HNF4G: variants seen among roughly 807,000 people sequenced by gnomAD.
HNF4G encodes hepatocyte nuclear factor 4 gamma, also known as hepatocyte nuclear factor 4-gamma.
In HNF4G, 21 loss-of-function variants were observed where a neutral mutation model predicts 50.9. The observed-to-expected ratio is 0.41, with a 90% CI of 0.29 to 0.59. HNF4G has a LOEUF of 0.59. HNF4G is among the 20% of genes least tolerant of loss of function. The pLI is 0.26. For synonymous variants in HNF4G, 198 were observed against 185.6 expected (o/e 1.07, Z -0.54); for missense variants, 527 against 559.4 (o/e 0.94, Z 0.58).
chr8:75,535,642 T>TA (rs1304977073), upstream of HNF4G, among the ~76,000 whole-genome samples: 1 of 151,900 alleles, frequency 6.6e-6, no homozygotes, highest in African/African-American at 2.4e-5. Flanking sequence ...GAAATAAGTT[T>TA]AAAAAACAAA....
intron 1 of HNF4G, among the ~76,000 whole-genome samples, chr8:75,488,751 C>T (rs1812552156): frequency 6.6e-6 from 1 of 152,058 alleles, no homozygotes; most frequent in African/African-American, 2.4e-5. Context: ...ATCTCAGTAT[C>T]TTTGATAGCC....
upstream of HNF4G, among the ~76,000 whole-genome samples, chr8:75,538,670 AG>A (rs1806533296): frequency 6.6e-6 from 1 of 152,218 alleles, no homozygotes; most frequent in South Asian, 2.1e-4. Flanking sequence ...AAGCCAAAAA[AG>A]AAAGTTTATT....
chr8:75,561,334 ACTT>A (rs1486310816), intron 9 of HNF4G, among the ~76,000 whole-genome samples: 3 of 152,200 alleles, frequency 2.0e-5, no homozygotes, highest in African/African-American at 7.2e-5. Context: ...ATGGTCAGCT[ACTT>A]CTTCTGTGAC....
intron 2 of HNF4G, among the ~76,000 whole-genome samples, chr8:75,505,978 A>G (rs2130715360): frequency 6.6e-6 from 1 of 152,108 alleles, no homozygotes; most frequent in African/African-American, 2.4e-5. Flanking sequence ...TCTTGGGAGC[A>G]AAATTGAACT....
chr8:75,521,651 A>G (rs1160827285), intron 2 of HNF4G, among the ~76,000 whole-genome samples: 3 of 152,228 alleles, frequency 2.0e-5, no homozygotes, highest in African/African-American at 7.2e-5. Flanking sequence ...GTTACTACAG[A>G]AAACTAATTT....
chr8:75,514,450 T>C (rs2130732928), intron 2 of HNF4G, among the ~76,000 whole-genome samples: 1 of 151,156 alleles, frequency 6.6e-6, no homozygotes. Context: ...CCTCCCGGGT[T>C]CAAGCAAATC....
chr8:75,544,119 A>G, intron 2 of HNF4G, 140 bp downstream of exon 2: 1 of 667,564 alleles, frequency 1.5e-6, no homozygotes, highest in Non-Finnish European at 2.5e-6. Context: ...ACAAGTAAGA[A>G]CGTGTGGGTA....
At chr8:75,434,329 T>A (rs796176996) in intron 1 of HNF4G, among the ~76,000 whole-genome samples, 5 of 152,036 alleles carry the variant, frequency 3.3e-5, no homozygotes, top group African/African-American at 1.2e-4. Flanking sequence ...CAAGAAGAAA[T>A]CATAATGGAA....
At chr8:75,537,532 T>C (rs2943545), upstream of HNF4G, among the ~76,000 whole-genome samples, 100,372 of 151,990 alleles carry the variant, frequency 0.66, 35,052 homozygotes, top group African/African-American at 0.9. Flanking sequence ...AGGCGTGAGC[T>C]ACCGTGCCTG....
chr8:75,429,829 G>A (rs910456818), intron 1 of HNF4G, among the ~76,000 whole-genome samples: 1 of 152,126 alleles, frequency 6.6e-6, no homozygotes, highest in East Asian at 1.9e-4. Flanking sequence ...CAGTATGGTA[G>A]ACTGAATGTC....
intron 2 of HNF4G, among the ~76,000 whole-genome samples, chr8:75,544,247 T>G (rs1047660923): frequency 6.6e-6 from 1 of 152,172 alleles, no homozygotes. Context: ...GTTGAAGCCT[T>G]TAATGGACAC....
chr8:75,417,771 C>T (rs762390116), intron 1 of HNF4G, among the ~76,000 whole-genome samples: 15 of 151,994 alleles, frequency 9.9e-5, no homozygotes, highest in East Asian at 1.9e-4. Flanking sequence ...ACTTCTGAGA[C>T]GTGTTAGAAT....
At chr8:75,531,978 T>C (rs920396342) in intron 2 of HNF4G, among the ~76,000 whole-genome samples, 7 of 152,142 alleles carry the variant, frequency 4.6e-5, no homozygotes, top group African/African-American at 1.7e-4. Context: ...GTTTTTATTA[T>C]AATGGCTTTA....
chr8:75,466,636 C>CTCCCTTCCCTTCCCTTCCCTTCCCT (rs368808035), intron 1 of HNF4G, among the ~76,000 whole-genome samples: 21 of 38,726 alleles, frequency 5.4e-4, no homozygotes, highest in African/African-American at 1.9e-3. Context: ...TTCCTTCCTT[C>CTCCCTTCCCTTCCCTTCCCTTCCCT]TCCCTTCCCT....
At chr8:75,453,218 C>T (rs565700230) in intron 1 of HNF4G, among the ~76,000 whole-genome samples, 1 of 152,308 alleles carries the variant, frequency 6.6e-6, no homozygotes, top group African/African-American at 2.4e-5. Flanking sequence ...AGAGGTGAAG[C>T]CAGCTGGACT....
rs559229731 is a variant in HNF4G at position 75,555,873 on chromosome 8, TAAAC to T, written c.646-105_646-102del. ...TGTATCTATGAATACTATAGTTTGT[TAAAC>T]AAAAAGTCCCAGGCTTAAAGAACAC... On this transcript the variant is annotated intron_variant, in intron 5 of 9. Transcript: ENST00000396423. 94 of 533,308 alleles carry T rather than the reference TAAAC, an allele frequency of 1.8e-4. 1 individual carries two copies. Among genetic ancestry groups the T allele is most frequent in the African/African-American group, 1.7e-3 (89 of 52,230 alleles). The allele number at this position is 533,308 out of a possible 1,614,324, so 33.0% of individuals were successfully genotyped here.
rs184012062 is a variant in HNF4G at position 75,449,127 on chromosome 8, G to T, written c.-143-40962G>T. On this transcript the variant is annotated intron_variant, in intron 1 of 10. Coordinates refer to the HNF4G transcript ENST00000354370. ...TAACAACACCAAAGTCCCTGGTCTA[G>T]GTTGGATGGTATTTGTATTTCACAA... 1.5e-3 allele frequency among the ~76,000 whole-genome samples: 232 copies of T among 152,274 alleles called. 1 individual carries two copies. Among genetic ancestry groups the T allele is most frequent in the African/African-American group, 4.9e-3 (205 of 41,544 alleles).
At chr8:75,558,399 A>C in intron 6 of HNF4G, 119 bp from the exon 7 acceptor site, 1 of 842,798 alleles carries the variant, frequency 1.2e-6, no homozygotes, top group Non-Finnish European at 1.8e-6. Flanking sequence ...GAAGTACATC[A>C]CTATTCCTTC....
At chr8:75,477,123 T>C (rs1812259921) in intron 1 of HNF4G, among the ~76,000 whole-genome samples, 1 of 152,208 alleles carries the variant, frequency 6.6e-6, no homozygotes, top group African/African-American at 2.4e-5. Flanking sequence ...GCAGAGTTTG[T>C]AGGAATGAAA....
Sources: allele counts gnomAD v4.1 joint callset (sites outside exome capture counted in the v4.1 genomes callset), GRCh38; gene constraint gnomAD v4.1.1; transcripts MANE v1.5; gene names NCBI Gene and HGNC (gene_info 2026-07-23, HGNC 2026-07-21).